ADARB1: variants seen among roughly 807,000 people sequenced by gnomAD.
ADARB1 encodes the protein adenosine deaminase RNA specific B1.
A neutral mutation model predicts 52.4 loss-of-function variants in ADARB1; 10 were observed. That is an observed-to-expected ratio of 0.19 (90% CI 0.12 to 0.32). The LOEUF is 0.32. Among genes scored for constraint, ADARB1 ranks in the 10% least tolerant of loss-of-function variants. The pLI, the probability that ADARB1 is intolerant of heterozygous loss-of-function variation, is 1.00. For missense variants in ADARB1, 643 were observed against 922.3 expected (o/e 0.70, Z 3.92); for synonymous variants, 349 against 371.1 (o/e 0.94, Z 0.68).
At chr21:45,182,784 G>C (rs748148497) in intron 6 of ADARB1, 31 bp downstream of exon 6, 32 of 1,525,114 alleles carry the variant, frequency 2.1e-5, no homozygotes, top group Non-Finnish European at 2.7e-5. Context: ...AGGACAGGAA[G>C]CTCTTTTTAA....
chr21:45,193,072 C>T (rs924499883), intron 8 of ADARB1, among the ~76,000 whole-genome samples: 2 of 152,194 alleles, frequency 1.3e-5, no homozygotes, highest in African/African-American at 4.8e-5. Flanking sequence ...GAAAGAGATA[C>T]TTCCCAACTC....
chr21:45,156,758 A>G (rs1428813124), intron 2 of ADARB1, among the ~76,000 whole-genome samples: 2 of 152,104 alleles, frequency 1.3e-5, no homozygotes, highest in Non-Finnish European at 2.9e-5. Flanking sequence ...GGGTTTGAAC[A>G]TGCTTAGGGA....
intron 9 of ADARB1, among the ~76,000 whole-genome samples, chr21:45,210,675 G>A (rs545207590): frequency 7.2e-5 from 11 of 152,314 alleles, no homozygotes; most frequent in Admixed American, 6.5e-4. Flanking sequence ...ACACCACGAG[G>A]CTTGCAGCTC....
At chr21:45,087,585 G>A (rs1601269154) in intron 1 of ADARB1, among the ~76,000 whole-genome samples, 2 of 151,730 alleles carry the variant, frequency 1.3e-5, no homozygotes, top group East Asian at 1.9e-4. Flanking sequence ...AGAGGGCGAG[G>A]GGGCAGGGAA....
At chr21:45,089,258 A>G (rs561267517) in intron 1 of ADARB1, among the ~76,000 whole-genome samples, 18 of 152,374 alleles carry the variant, frequency 1.2e-4, no homozygotes, top group Non-Finnish European at 1.5e-4. Context: ...AAGCTGGGAG[A>G]AGGACATAGG....
intron 2 of ADARB1, among the ~76,000 whole-genome samples, chr21:45,161,529 A>G (rs2146036210): frequency 6.6e-6 from 1 of 152,328 alleles, no homozygotes; most frequent in African/African-American, 2.4e-5. Context: ...TTGGGTGCTG[A>G]CAAGCATGAG....
In ADARB1 at chr21:45,074,644, T is replaced by G. The variant is rs2085837286; in HGVS notation, c.-369T>G. 7.5e-6 allele frequency: 1 copy of G among 133,500 alleles called. No homozygotes were observed. 8.3% of individuals were successfully genotyped at this position (133,500 alleles called of 1,614,324 possible). A position where few individuals can be genotyped will look rare whatever the true frequency, so the allele number is the denominator to read the frequency against. The stretch of plus-strand genomic sequence containing the variant: ...CGGCAGCGGCGGCCAAGCGGCCAGG[T>G]TGGCGGCCGGGGCTCCGGGCCGCGC... On this transcript the variant is annotated 5_prime_UTR_variant, in exon 1 of 11. Coordinates refer to ENST00000348831, the MANE Select transcript of ADARB1 (RefSeq NM_001112.4).
intron 1 of ADARB1, among the ~76,000 whole-genome samples, chr21:45,079,174 G>T (rs147192659): frequency 1.3e-5 from 2 of 152,250 alleles, no homozygotes; most frequent in African/African-American, 2.4e-5. Flanking sequence ...GCATTTGTAA[G>T]ATGCCATCAT....
chr21:45,212,617 A>G (rs2092790552), intron 9 of ADARB1, among the ~76,000 whole-genome samples: 1 of 152,116 alleles, frequency 6.6e-6, no homozygotes. Context: ...CCCGACAACC[A>G]GGGAAGGACG....
intron 2 of ADARB1, chr21:45,145,093 AG>A (rs941456483): frequency 2.6e-5 from 4 of 152,816 alleles, no homozygotes; most frequent in African/African-American, 9.6e-5. Context: ...GTCTAAAAGG[AG>A]CCCCAGTAGA....
intron 1 of ADARB1, among the ~76,000 whole-genome samples, chr21:45,105,590 G>GT (rs2087212875): frequency 6.6e-6 from 1 of 152,192 alleles, no homozygotes; most frequent in Admixed American, 6.5e-5. Context: ...GAGAAAACTC[G>GT]TAAGTGCCCT....
intron 8 of ADARB1, among the ~76,000 whole-genome samples, chr21:45,203,863 T>C (rs2092612781): frequency 6.6e-6 from 1 of 152,246 alleles, no homozygotes; most frequent in South Asian, 2.1e-4. Context: ...CTCCTGAAAC[T>C]GTAGATAGTA....
rs539519842 is a variant in ADARB1 at position 45,144,885 on chromosome 21, T to C, written c.-48+16312T>C. On this transcript the variant is annotated intron_variant, in intron 2 of 10. Coordinates refer to ENST00000348831, the MANE Select transcript of ADARB1 (RefSeq NM_001112.4). ...AGAAACCAAAAATATGCATTTTTGA[T>C]GTTAGGAAGATTTACTGTGCATTGG... The C allele has an allele frequency of 2.0e-5, 4 of 198,740 alleles. No homozygotes were observed. The South Asian group carries it at 2.3e-4, about 12-fold the overall frequency. 12.3% of individuals were successfully genotyped at this position (198,740 alleles called of 1,614,324 possible).
intron 2 of ADARB1, among the ~76,000 whole-genome samples, chr21:45,150,776 C>A (rs1044258171): frequency 2.0e-5 from 3 of 152,278 alleles, no homozygotes; most frequent in Admixed American, 1.3e-4. Flanking sequence ...CCAAGGGGTC[C>A]CTCTGGAAAT....
chr21:45,156,845 C>T (rs2090683652), intron 2 of ADARB1, among the ~76,000 whole-genome samples: 2 of 152,198 alleles, frequency 1.3e-5, no homozygotes, highest in South Asian at 4.1e-4. Flanking sequence ...GAATGGGCCA[C>T]CTGAAATCCC....
At position 45,224,427 on chromosome 21, in the gene ADARB1, G is replaced by A. The variant is rs1569196004; in HGVS notation, c.*2230G>A. ...CGTGCGGCCTTGAGGACAGGCACAG[G>A]GCACCCTATCCCAAGCCGTCCAGGC... is the stretch of plus-strand genomic sequence containing the variant. On this transcript the variant is annotated 3_prime_UTR_variant, in exon 11 of 11. Transcript: ENST00000348831. The A allele has an allele frequency of 1.1e-6, 1 of 936,810 alleles. No homozygotes were observed. Among genetic ancestry groups the A allele is most frequent in the Non-Finnish European group, 1.2e-6 (1 of 813,042 alleles). 58.0% of individuals were successfully genotyped at this position (936,810 alleles called of 1,614,324 possible).
In ADARB1 at chr21:45,225,811, C is replaced by T. The variant is rs146517855; in HGVS notation, c.*3614C>T. 1.1e-4 allele frequency: 41 copies of T among 378,982 alleles called. No homozygotes were observed. Among genetic ancestry groups the T allele is most frequent in the Non-Finnish European group, 1.9e-4 (40 of 214,074 alleles). The allele number at this position is 378,982 out of a possible 1,614,324, so 23.5% of individuals were successfully genotyped here. On this transcript the variant is annotated 3_prime_UTR_variant, in exon 11 of 11. Coordinates refer to ENST00000348831, the MANE Select transcript of ADARB1 (RefSeq NM_001112.4). ...AAAAGATTCCTTTTTATCATCCCCA[C>T]GCTGTGTAAGTGGAAAGGGCATTGT...
chr21:45,084,890 A>G (rs920336519), intron 1 of ADARB1, among the ~76,000 whole-genome samples: 2 of 152,164 alleles, frequency 1.3e-5, no homozygotes, highest in Non-Finnish European at 1.5e-5. Flanking sequence ...GATTTCCTTG[A>G]AAAAAGGAAT....
chr21:45,210,733 T>TCCCA (rs2092752304), intron 9 of ADARB1, among the ~76,000 whole-genome samples: 1 of 152,294 alleles, frequency 6.6e-6, no homozygotes, highest in South Asian at 2.1e-4. Flanking sequence ...TGAACCCACA[T>TCCCA]CCCACCTTTC....
Sources: gnomAD v4.1 joint callset for allele counts (sites outside exome capture counted in the v4.1 genomes callset) on GRCh38, gnomAD v4.1.1 for gene constraint, MANE v1.5 for transcripts, NCBI Gene and HGNC (gene_info 2026-07-23, HGNC 2026-07-21) for gene names.